DIP2B: variants seen among roughly 807,000 people sequenced by gnomAD.
DIP2B encodes disco-interacting protein 2 homolog B.
Under a neutral mutation model 198.0 loss-of-function variants are expected in DIP2B, and 76 were observed. That is an observed-to-expected ratio of 0.38 (90% CI 0.32 to 0.46). The LOEUF is 0.46. Ranked by LOEUF, DIP2B falls within the 20% of genes least tolerant of loss-of-function variation. DIP2B has a pLI of 0.99. For missense variants in DIP2B, 1,559 were observed against 1,978.4 expected, an observed-to-expected ratio of 0.79 and a Z score of 4.02; for synonymous variants, 701 against 739.1, an observed-to-expected ratio of 0.95 and a Z score of 0.84.
chr12:50,553,897 T>C (rs1021167630), intron 1 of DIP2B, among the ~76,000 whole-genome samples: 6 of 152,168 alleles, frequency 3.9e-5, no homozygotes, highest in Admixed American at 3.3e-4. Flanking sequence ...CATTTGATCC[T>C]TCCACTTTGA....
intron 3 of DIP2B, among the ~76,000 whole-genome samples, chr12:50,641,256 CTGAGACAGGAGAATCACT>C (rs1938252172): frequency 6.6e-6 from 1 of 152,122 alleles, no homozygotes; most frequent in Admixed American, 6.5e-5. Context: ...ACTCAGGAGG[CTGAGACAGGAGAATCACT>C]TGAACCTGGG....
At chr12:50,666,294 A>G in intron 4 of DIP2B, among the ~76,000 whole-genome samples, 1 of 152,210 alleles carries the variant, frequency 6.6e-6, no homozygotes, top group East Asian at 1.9e-4. Flanking sequence ...TGCTTAACAT[A>G]TATTTTTTTC....
intron 1 of DIP2B, among the ~76,000 whole-genome samples, chr12:50,512,863 C>T (rs562042136): frequency 1.3e-5 from 2 of 152,234 alleles, no homozygotes; most frequent in South Asian, 2.1e-4. Flanking sequence ...AAAAATTAGC[C>T]GGGCGTGGCG....
chr12:50,739,312 T>C (rs1390845343), intron 35 of DIP2B, 97 bp from the exon 36 acceptor site: 5 of 1,400,612 alleles, frequency 3.6e-6, no homozygotes, highest in Non-Finnish European at 4.9e-6. Context: ...GTTGTTAATA[T>C]AAAAATGAGA....
Position 50,537,114 on chromosome 12 carries a change from A to ATTTT in DIP2B, c.100+31898_100+31901dup, listed in dbSNP as rs34202995. Among the ~76,000 whole-genome samples the ATTTT allele has an allele frequency of 4.2e-3, 134 of 32,220 alleles. 38 individuals carry two copies. The East Asian group carries it at 0.049, about 12-fold the overall frequency. The allele number at this position is 32,220 out of a possible 152,430, so 21.1% of individuals were successfully genotyped here. A position where few individuals can be genotyped will look rare whatever the true frequency, so the allele number is the denominator to read the frequency against. On this transcript the variant is annotated intron_variant, in intron 1 of 37. Transcript: ENST00000301180. ...CAGATTGCTTGTTTATTATTCTCTA[A>ATTTT]TTTTTTTTTTTTTTTTTTTTTTTTT...
At chr12:50,522,265 T>C (rs1225320643) in intron 1 of DIP2B, among the ~76,000 whole-genome samples, 1 of 152,196 alleles carries the variant, frequency 6.6e-6, no homozygotes, top group Non-Finnish European at 1.5e-5. Flanking sequence ...CCTCCCAAAG[T>C]GCTGGAATTA....
chr12:50,691,175 C>T (rs1265170116), intron 13 of DIP2B, 24 bp downstream of exon 13: 5 of 1,598,136 alleles, frequency 3.1e-6, no homozygotes, highest in South Asian at 1.1e-5. Flanking sequence ...CCATGACTGC[C>T]CTCATTGTTA....
chr12:50,561,160 C>T (rs1958516562), intron 1 of DIP2B, among the ~76,000 whole-genome samples: 2 of 152,158 alleles, frequency 1.3e-5, no homozygotes, highest in Non-Finnish European at 2.9e-5. Flanking sequence ...CCTTTTCTTG[C>T]CCTTCCTCCA....
At chr12:50,576,159 T>A (rs939470728) in intron 1 of DIP2B, among the ~76,000 whole-genome samples, 11 of 150,728 alleles carry the variant, frequency 7.3e-5, no homozygotes, top group African/African-American at 2.4e-4. Context: ...AACCTCCGCC[T>A]CCTGGGTTCA....
rs1940326518 is a variant in DIP2B, at chr12:50,745,245, T to C, written c.*406T>C. ...CGTACTGTATTTTGCCATTCTGCCG[T>C]AGCTAGATGTTCTGTGGGGTTTGTT... is the stretch of plus-strand genomic sequence containing the variant. On this transcript the variant is annotated 3_prime_UTR_variant, in exon 38 of 38. Transcript: ENST00000301180. 1 of 192,134 alleles carries C rather than the reference T, an allele frequency of 5.2e-6. No homozygotes were observed. Among genetic ancestry groups the C allele is most frequent in the African/African-American group, 2.3e-5 (1 of 42,580 alleles). 11.9% of individuals were successfully genotyped at this position (192,134 alleles called of 1,614,324 possible).
chr12:50,542,480 A>T (rs899954953), intron 1 of DIP2B, among the ~76,000 whole-genome samples: 3 of 152,154 alleles, frequency 2.0e-5, no homozygotes, highest in African/African-American at 7.2e-5. Context: ...TTTTACTCAG[A>T]CCTGTGCTAT....
chr12:50,704,728 G>A (rs1412404827), intron 20 of DIP2B, among the ~76,000 whole-genome samples: 2 of 152,226 alleles, frequency 1.3e-5, no homozygotes, highest in Non-Finnish European at 2.9e-5. Context: ...ACTTTGGGAG[G>A]CCGAGGTGGG....
At chr12:50,686,822 T>C in intron 12 of DIP2B, 140 bp downstream of exon 12, 1 of 733,626 alleles carries the variant, frequency 1.4e-6, no homozygotes, top group South Asian at 2.0e-5. Flanking sequence ...TTTTGGCTTG[T>C]AAAATGCCTT....
chr12:50,723,468 C>G lies in DIP2B; in HGVS notation c.3288+145C>G. On this transcript the variant is annotated intron_variant, in intron 27 of 37. Coordinates refer to ENST00000301180, the MANE Select transcript of DIP2B (RefSeq NM_173602.3). ...ACTACCTCCTTTTTGTTAATCCAGC[C>G]AAAGCAGTCATCATTATTCAGTGAA... The G allele has an allele frequency of 2.6e-6, 3 of 1,156,558 alleles. 1 individual carries two copies. In the South Asian group the frequency reaches 4.7e-5, roughly 18 times the overall value. 71.6% of individuals were successfully genotyped at this position (1,156,558 alleles called of 1,614,324 possible). A position where few individuals can be genotyped will look rare whatever the true frequency, so the allele number is the denominator to read the frequency against.
chr12:50,510,947 C>CTTT (rs56793612), intron 1 of DIP2B, among the ~76,000 whole-genome samples: 14 of 131,072 alleles, frequency 1.1e-4, no homozygotes, highest in African/African-American at 3.8e-4. Flanking sequence ...GCCTGGCTTT[C>CTTT]TTTTTTTTTT....
chr12:50,677,247 A>C lies in DIP2B; in HGVS notation c.917-1432A>C, dbSNP rs528480185. ...TCATGTTGTCCTAGCCTTAGCGCTG[A>C]GTCTGTGTGTGTTTATGTCCCCTGG... On this transcript the variant is annotated intron_variant, in intron 7 of 37. Transcript: ENST00000301180. 2.2e-4 allele frequency among the ~76,000 whole-genome samples: 33 copies of C among 152,080 alleles called. 1 individual carries two copies. In the South Asian group the frequency reaches 6.9e-3, roughly 32 times the overall value.
intron 1 of DIP2B, among the ~76,000 whole-genome samples, chr12:50,579,530 T>G (rs1248575643): frequency 7.1e-6 from 1 of 141,364 alleles, no homozygotes. Flanking sequence ...GAAAATCACT[T>G]GAACCTGGGA....
chr12:50,708,399 A>G lies in DIP2B; in HGVS notation c.2535-49A>G, dbSNP rs943668440. 7 of 1,512,850 alleles carry G rather than the reference A, an allele frequency of 4.6e-6. No homozygotes were observed. The African/African-American group carries it at 5.5e-5, about 12-fold the overall frequency. The allele number at this position is 1,512,850 out of a possible 1,614,324, so 93.7% of individuals were successfully genotyped here. A position where few individuals can be genotyped will look rare whatever the true frequency, so the allele number is the denominator to read the frequency against. On this transcript the variant is annotated intron_variant, in intron 21 of 37. Transcript: ENST00000301180. ...GTAATTCCAGTTAAACAAAACAAAT[A>G]GGACTGGTTGTGAAGGGAGTCCTGA...
Position 50,682,795 on chromosome 12 carries a change from C to G in DIP2B, c.1207-343C>G, listed in dbSNP as rs138074791. ...ATTACATTTATTTTATTGCCTTAGCCCTACACTAAAGTAAATTGCCTTGGG... is the reference window on the plus strand; with the variant it reads ...ATTACATTTATTTTATTGCCTTAGCGCTACACTAAAGTAAATTGCCTTGGG... On this transcript the variant is annotated intron_variant, in intron 9 of 37. Transcript: ENST00000301180. 4.1e-4 allele frequency among the ~76,000 whole-genome samples: 62 copies of G among 152,074 alleles called. No homozygotes were observed. In the East Asian group the frequency reaches 0.011, roughly 28 times the overall value.
Sources: gnomAD v4.1 joint callset for allele counts (sites outside exome capture counted in the v4.1 genomes callset) on GRCh38, gnomAD v4.1.1 for gene constraint, MANE v1.5 for transcripts, NCBI Gene and HGNC (gene_info 2026-07-23, HGNC 2026-07-21) for gene names.